Variants in SCP2 observed in about 807,000 individuals in gnomAD.
SCP2 encodes sterol carrier protein 2.
In SCP2, 48 loss-of-function variants were observed where a neutral mutation model predicts 71.4. That is an observed-to-expected ratio of 0.67 (90% CI 0.53 to 0.86). The LOEUF is 0.86. Among genes scored for constraint, SCP2 ranks in the 40% least tolerant of loss-of-function variants. The pLI, the probability that SCP2 is intolerant of heterozygous loss-of-function variation, is 0.00. For missense variants in SCP2, 560 were observed against 655.6 expected (o/e 0.85, Z 1.59); for synonymous variants, 220 against 218.1 (o/e 1.01, Z -0.08).
intron 5 of SCP2, among the ~76,000 whole-genome samples, chr1:52,960,682 A>G (rs570308807): frequency 1.4e-5 from 2 of 146,550 alleles, no homozygotes; most frequent in South Asian, 2.1e-4. Context: ...GTGTATATAT[A>G]TGTATATATG....
At chr1:53,028,772 GT>G (rs1318635639) in intron 13 of SCP2, among the ~76,000 whole-genome samples, 2 of 151,938 alleles carry the variant, frequency 1.3e-5, no homozygotes, top group Admixed American at 6.6e-5. Flanking sequence ...AAAACCTATT[GT>G]TTTTTGTTTT....
At position 52,948,016 on chromosome 1, in the gene SCP2, G is replaced by A. The variant is rs777222933; in HGVS notation, c.135G>A (p.Lys45=). 1.8e-5 allele frequency: 29 copies of A among 1,611,482 alleles called. No individual in the cohort carries two copies. Among genetic ancestry groups the A allele is most frequent in the Admixed American group, 5.0e-5 (3 of 59,982 alleles). Residue 45 remains lysine (K), a synonymous_variant, in exon 3 of 16, where the codon AAG becomes AAA. Coordinates refer to ENST00000371514, the MANE Select transcript of SCP2 (RefSeq NM_002979.5). ...YPDLAEEAGK[K]ALADAQIPYS... ...AACCTTTCGTTTTTATAGGCAAGAA[G>A]GCTTTAGCTGATGCACAGATCCCTT...
intron 1 of SCP2, among the ~76,000 whole-genome samples, chr1:52,933,504 A>G (rs1337935808): frequency 1.3e-5 from 2 of 152,206 alleles, no homozygotes; most frequent in Non-Finnish European, 2.9e-5. Flanking sequence ...AAAATCAACT[A>G]ATTATAGTCT....
At chr1:52,951,180 G>T (rs1655264970) in intron 4 of SCP2, among the ~76,000 whole-genome samples, 1 of 151,948 alleles carries the variant, frequency 6.6e-6, no homozygotes, top group African/African-American at 2.4e-5. Context: ...TATCTGGGAG[G>T]CTGAGGTGGG....
intron 11 of SCP2, chr1:52,993,357 T>G (rs1445783808): frequency 6.2e-7 from 1 of 1,614,118 alleles, no homozygotes; most frequent in African/African-American, 1.3e-5. Flanking sequence ...TCCATGTATG[T>G]TACCTTAAGT....
chr1:52,942,558 C>CT (rs201328000), intron 2 of SCP2, among the ~76,000 whole-genome samples: 1,972 of 151,412 alleles, frequency 0.013, 27 homozygotes, highest in African/African-American at 0.031. Flanking sequence ...CCCCACCTCT[C>CT]TTTTTTTAAA....
In SCP2 at chr1:52,980,840, G is replaced by A. The variant is rs1205657142; in HGVS notation, c.973+297G>A. ...TCCATCTTTCTTATGCTTATTCTTT[G>A]CATGAGATTTTATTCATTTGCTTTC... On this transcript the variant is annotated intron_variant, in intron 10 of 15. Transcript: ENST00000371514. 2.9e-4 allele frequency among the ~76,000 whole-genome samples: 44 copies of A among 152,138 alleles called. 1 individual carries two copies. Among genetic ancestry groups the A allele is most frequent in the Admixed American group, 2.9e-3 (44 of 15,274 alleles).
intron 6 of SCP2, 66 bp downstream of exon 6, chr1:52,961,695 T>C (rs1285015211): frequency 3.0e-6 from 4 of 1,344,408 alleles, no homozygotes; most frequent in Non-Finnish European, 4.3e-6. Flanking sequence ...GAAATGACAG[T>C]TATTTATTAA....
intron 3 of SCP2, among the ~76,000 whole-genome samples, chr1:52,949,094 T>C (rs1242317): frequency 0.41 from 62,827 of 152,068 alleles, 15,551 homozygotes; most frequent in Non-Finnish European, 0.57. Flanking sequence ...CTAGTTGTTA[T>C]AAAAATTCTA....
At chr1:52,934,627 T>G (rs1301535156) in intron 1 of SCP2, among the ~76,000 whole-genome samples, 2 of 120,168 alleles carry the variant, frequency 1.7e-5, no homozygotes, top group African/African-American at 6.8e-5. Context: ...TTTTTTTTTT[T>G]TTTGAGACGG....
intron 1 of SCP2, among the ~76,000 whole-genome samples, chr1:52,936,950 A>G (rs1000230195): frequency 3.9e-5 from 6 of 152,192 alleles, no homozygotes; most frequent in African/African-American, 1.2e-4. Flanking sequence ...TCTAGAAAAA[A>G]AAATCCTAAA....
intron 5 of SCP2, among the ~76,000 whole-genome samples, chr1:52,961,027 C>A (rs1313356044): frequency 1.3e-5 from 2 of 149,418 alleles, no homozygotes; most frequent in African/African-American, 4.9e-5. Context: ...GCTGGGATTA[C>A]AGGTGTGAGC....
chr1:52,958,963 G>C (rs1411817572), intron 5 of SCP2, among the ~76,000 whole-genome samples: 5 of 152,004 alleles, frequency 3.3e-5, no homozygotes, highest in Non-Finnish European at 7.4e-5. Flanking sequence ...GGGCTCAAGT[G>C]ATCTGCCCAC....
At chr1:52,973,099 T>C (rs2150160391) in intron 6 of SCP2, among the ~76,000 whole-genome samples, 1 of 152,350 alleles carries the variant, frequency 6.6e-6, no homozygotes, top group East Asian at 1.9e-4. Flanking sequence ...CACTTTGTAA[T>C]AGAAATATTA....
At chr1:53,040,258 T>TAAAAGC (rs111274839) in intron 14 of SCP2, among the ~76,000 whole-genome samples, 14,937 of 152,216 alleles carry the variant, frequency 0.098, 1,428 homozygotes, top group African/African-American at 0.22. Context: ...TCACTGCAGG[T>TAAAAGC]AAAGTTCTTA....
intron 2 of SCP2, among the ~76,000 whole-genome samples, chr1:52,946,760 TAA>T (rs34417288): frequency 0.066 from 9,309 of 141,886 alleles, 474 homozygotes; most frequent in African/African-American, 0.14. Context: ...TTTATATGTT[TAA>T]AAAAAAAAAA....
At chr1:52,950,273 A>C (rs1440802553) in intron 3 of SCP2, among the ~76,000 whole-genome samples, 1 of 152,078 alleles carries the variant, frequency 6.6e-6, no homozygotes, top group African/African-American at 2.4e-5. Context: ...GGTGCATGCC[A>C]CCATGCCTGG....
At chr1:53,005,632 T>C (rs1380964648) in intron 11 of SCP2, among the ~76,000 whole-genome samples, 2 of 152,112 alleles carry the variant, frequency 1.3e-5, no homozygotes, top group Non-Finnish European at 2.9e-5. Flanking sequence ...GTCACCATCA[T>C]CAAAGACCAA....
At chr1:52,957,800 T>C (rs1208389487) in intron 5 of SCP2, among the ~76,000 whole-genome samples, 1 of 152,272 alleles carries the variant, frequency 6.6e-6, no homozygotes, top group Non-Finnish European at 1.5e-5. Flanking sequence ...CTGTGATCTA[T>C]TTTGAGTTAA....
Sources: gnomAD v4.1 joint callset for allele counts (sites outside exome capture counted in the v4.1 genomes callset) on GRCh38, gnomAD v4.1.1 for gene constraint, MANE v1.5 for transcripts, NCBI Gene and HGNC (gene_info 2026-07-23, HGNC 2026-07-21) for gene names.